COLEC12: variants seen among roughly 807,000 people sequenced by gnomAD.
COLEC12 encodes collectin subfamily member 12.
COLEC12 carries 33 observed loss-of-function variants against 71.1 expected under a neutral mutation model. The observed-to-expected ratio is 0.46, with a 90% confidence interval of 0.35 to 0.62. COLEC12 has a LOEUF of 0.62. COLEC12 is among the 20% of genes least tolerant of loss of function. The pLI is 0.00. For missense variants in COLEC12, 765 were observed against 916.1 expected (o/e 0.84, Z 2.13); for synonymous variants, 350 against 353.0 (o/e 0.99, Z 0.10).
At chr18:497,520 T>TC in intron 1 of COLEC12, among the ~76,000 whole-genome samples, 1 of 152,216 alleles carries the variant, frequency 6.6e-6, no homozygotes, top group South Asian at 2.1e-4. Flanking sequence ...TTCTCCTGCC[T>TC]CAGCTTCCCA....
At chr18:404,117 T>A (rs1239941363) in intron 2 of COLEC12, among the ~76,000 whole-genome samples, 3 of 152,254 alleles carry the variant, frequency 2.0e-5, no homozygotes, top group African/African-American at 7.2e-5. Context: ...GCGAGTATAA[T>A]ATAGGAATGA....
chr18:446,032 TAA>T (rs2143703852), intron 2 of COLEC12, among the ~76,000 whole-genome samples: 1 of 152,336 alleles, frequency 6.6e-6, no homozygotes, highest in African/African-American at 2.4e-5. Flanking sequence ...TCACTCAGCA[TAA>T]GAGTTTTAAG....
chr18:400,870 TTG>T (rs112091244), intron 2 of COLEC12, among the ~76,000 whole-genome samples: 12 of 151,372 alleles, frequency 7.9e-5, no homozygotes, highest in South Asian at 2.1e-4. Flanking sequence ...AAATAACAAT[TTG>T]TGTGTGTGTG....
intron 2 of COLEC12, among the ~76,000 whole-genome samples, chr18:426,826 A>C (rs34623753): frequency 0.1 from 15,210 of 152,254 alleles, 1,147 homozygotes; most frequent in East Asian, 0.33. Context: ...AGATGAAAAG[A>C]CAGAGGTTCC....
intron 2 of COLEC12, among the ~76,000 whole-genome samples, chr18:447,625 G>A (rs936011597): frequency 6.6e-6 from 1 of 152,192 alleles, no homozygotes; most frequent in Non-Finnish European, 1.5e-5. Flanking sequence ...ATGAGCCACT[G>A]TAAAAAGCGG....
intron 2 of COLEC12, among the ~76,000 whole-genome samples, chr18:465,644 C>G (rs1465164996): frequency 6.6e-6 from 1 of 152,174 alleles, no homozygotes; most frequent in Non-Finnish European, 1.5e-5. Context: ...ATCATCATTT[C>G]TAAAATTTCC....
rs143514151 is a variant in COLEC12, at chr18:331,802, C to T, written c.1954-25G>A. The stretch of plus-strand genomic sequence containing the variant: ...GCTGAAAAACAAAGCAGGGGTGGTG[C>T]GTGACTATTTTTCAGAACAGATGTC... On this transcript the variant is annotated intron_variant, in intron 7 of 9. Coordinates refer to ENST00000400256, the MANE Select transcript of COLEC12 (RefSeq NM_130386.3). 274 of 1,431,150 alleles carry T rather than the reference C, an allele frequency of 1.9e-4. 2 individuals carry two copies. In the African/African-American group the frequency reaches 3.1e-3, roughly 16 times the overall value. 88.7% of individuals were successfully genotyped at this position (1,431,150 alleles called of 1,614,324 possible).
intron 3 of COLEC12, among the ~76,000 whole-genome samples, chr18:349,213 G>C (rs1042132976): frequency 3.3e-5 from 5 of 152,214 alleles, no homozygotes; most frequent in African/African-American, 1.2e-4. Context: ...CCCATGCTGT[G>C]TGCAGCCTAG....
chr18:479,726 A>C (rs1020234453), intron 2 of COLEC12, among the ~76,000 whole-genome samples: 1 of 152,198 alleles, frequency 6.6e-6, no homozygotes, highest in African/African-American at 2.4e-5. Context: ...AAAGAGAAGC[A>C]AGGTCAAAGC....
chr18:440,378 TACACACACAC>T (rs142637035), intron 2 of COLEC12, among the ~76,000 whole-genome samples: 2 of 121,336 alleles, frequency 1.6e-5, no homozygotes, highest in Non-Finnish European at 3.7e-5. Flanking sequence ...CACACACACA[TACACACACAC>T]ACACACACAC....
At chr18:445,728 G>A (rs1916634542) in intron 2 of COLEC12, among the ~76,000 whole-genome samples, 1 of 150,760 alleles carries the variant, frequency 6.6e-6, no homozygotes. Context: ...CGCCACCTGG[G>A]CTCAAGTGAT....
intron 2 of COLEC12, among the ~76,000 whole-genome samples, chr18:429,738 A>C (rs1408384675): frequency 1.3e-5 from 2 of 152,180 alleles, no homozygotes; most frequent in African/African-American, 4.8e-5. Flanking sequence ...AGAGAAAGAC[A>C]ACATAGAGCT....
intron 2 of COLEC12, among the ~76,000 whole-genome samples, chr18:367,448 G>A (rs1045183926): frequency 6.6e-6 from 1 of 152,140 alleles, no homozygotes; most frequent in Non-Finnish European, 1.5e-5. Flanking sequence ...CAACCTGACA[G>A]ACATTCCTCG....
chr18:492,991 C>T (rs1012523172), intron 1 of COLEC12, among the ~76,000 whole-genome samples: 9 of 152,074 alleles, frequency 5.9e-5, no homozygotes, highest in African/African-American at 2.2e-4. Context: ...TCACTTGAGG[C>T]TAGGAGTTTG....
At chr18:409,503 C>T (rs1057213613) in intron 2 of COLEC12, among the ~76,000 whole-genome samples, 11 of 152,086 alleles carry the variant, frequency 7.2e-5, no homozygotes, top group African/African-American at 9.7e-5. Context: ...CCAGCCTGGG[C>T]GACAAGAGCA....
intron 2 of COLEC12, among the ~76,000 whole-genome samples, chr18:440,676 T>C (rs1379957768): frequency 6.6e-6 from 1 of 152,194 alleles, no homozygotes; most frequent in East Asian, 1.9e-4. Context: ...TCTGTATCCA[T>C]GGGTTCCTCG....
chr18:357,997 T>C (rs1914664640), intron 2 of COLEC12, among the ~76,000 whole-genome samples: 1 of 152,202 alleles, frequency 6.6e-6, no homozygotes, highest in South Asian at 2.1e-4. Flanking sequence ...TAGATTCTCT[T>C]AGGAGCGTGA....
At chr18:325,090 G>A (rs943283145) in intron 8 of COLEC12, among the ~76,000 whole-genome samples, 23 of 152,184 alleles carry the variant, frequency 1.5e-4, no homozygotes, top group African/African-American at 5.1e-4. Context: ...CTACTCAGGA[G>A]ACTAAAGTAG....
chr18:478,459 A>C (rs555604747), intron 2 of COLEC12, among the ~76,000 whole-genome samples: 1 of 152,256 alleles, frequency 6.6e-6, no homozygotes, highest in South Asian at 2.1e-4. Flanking sequence ...CAAAAAATTT[A>C]AAAATTAGCT....
Sources: allele counts gnomAD v4.1 joint callset (sites outside exome capture counted in the v4.1 genomes callset), GRCh38; gene constraint gnomAD v4.1.1; transcripts MANE v1.5; gene names NCBI Gene and HGNC (gene_info 2026-07-23, HGNC 2026-07-21).